The following TPCN1 variants were observed in gnomAD, a reference collection of about 807,000 sequenced individuals.
TPCN1 encodes the protein two pore channel protein 1.
Under a neutral mutation model 108.8 loss-of-function variants are expected in TPCN1, and 52 were observed. That is an observed-to-expected ratio of 0.48 (90% CI 0.38 to 0.60). The LOEUF (loss-of-function observed/expected upper bound fraction) is 0.60. Among genes scored for constraint, TPCN1 ranks in the 20% least tolerant of loss-of-function variants. TPCN1 has a pLI of 0.00. For synonymous variants in TPCN1, 446 were observed against 433.7 expected (o/e 1.03, Z -0.35); for missense variants, 806 against 1,072.8 (o/e 0.75, Z 3.47).
intron 2 of TPCN1, among the ~76,000 whole-genome samples, chr12:113,230,816 A>G (rs1953660602): frequency 6.6e-6 from 1 of 152,196 alleles, no homozygotes; most frequent in Non-Finnish European, 1.5e-5. Flanking sequence ...CTCAACAAAT[A>G]GTGGTCAGAA....
rs574189512 is a variant in TPCN1 at position 113,288,249 on chromosome 12, C to G, written c.1706+15C>G. On this transcript the variant is annotated intron_variant, in intron 20 of 27. Coordinates refer to ENST00000335509, the MANE Select transcript of TPCN1 (RefSeq NM_017901.6). This position sits in a 1 kb window ranked among gnomAD's most constrained non-coding sequence, Gnocchi z 4.8. ...CGGATGGCCAGGTACTGCCAGCCCC[C>G]ACCCTGGCCTGCAGGTCCAGGTGCC... The G allele has an allele frequency of 1.2e-6, 2 of 1,613,530 alleles. No individual in the cohort carries two copies. The highest frequency in any genetic ancestry group is 1.1e-5 in the South Asian group (1 of 91,064).
chr12:113,225,759 T>G (rs948120954), intron 1 of TPCN1, among the ~76,000 whole-genome samples: 2 of 152,014 alleles, frequency 1.3e-5, no homozygotes, highest in African/African-American at 4.8e-5. Flanking sequence ...TTTCACCATG[T>G]TGGCCAGGCT....
intron 2 of TPCN1, among the ~76,000 whole-genome samples, chr12:113,252,579 G>A (rs920070449): frequency 6.6e-6 from 1 of 152,224 alleles, no homozygotes; most frequent in Non-Finnish European, 1.5e-5. Flanking sequence ...GTGCCAGCTA[G>A]CAGCTGCCTG....
intron 1 of TPCN1, among the ~76,000 whole-genome samples, chr12:113,226,266 A>T (rs1386549698): frequency 6.6e-6 from 1 of 151,882 alleles, no homozygotes; most frequent in Non-Finnish European, 1.5e-5. Context: ...ATTATTTTTT[A>T]AATTAAGATA....
rs1954147825 is a variant in TPCN1 at position 113,241,827 on chromosome 12, G to A, written c.112+14863G>A. On this transcript the variant is annotated intron_variant, in intron 2 of 27. Transcript: ENST00000335509. ...GTGTATGAGACAGCAGGAAGCATAG[G>A]GCCTTTACAAATGTTTTTTAAAGCG... Among the ~76,000 whole-genome samples, 4 of 149,572 alleles carry A rather than the reference G, an allele frequency of 2.7e-5. No individual in the cohort carries two copies. In the South Asian group the frequency reaches 8.4e-4, roughly 31 times the overall value.
At position 113,266,440 on chromosome 12, in the gene TPCN1, G is replaced by A; in HGVS notation, c.414+84G>A. The A allele has an allele frequency of 6.5e-7, 1 of 1,544,082 alleles. No individual in the cohort carries two copies. On this transcript the variant is annotated intron_variant, in intron 4 of 27. Transcript: ENST00000335509. The surrounding 1 kb of genome is among the most constrained non-coding windows in gnomAD (Gnocchi z 4.2). ...TGGAACTCCAAAAAGGAACATTCTG[G>A]GAGGGCAAACACTGCAAACGGACTT...
chr12:113,293,437 A>AG (rs1956333219), intron 27 of TPCN1, 88 bp downstream of exon 27: 1 of 1,261,154 alleles, frequency 7.9e-7, no homozygotes, highest in South Asian at 1.2e-5. Flanking sequence ...CTCTGAGTAG[A>AG]GGGAGAAGGC....
rs140418326 is a variant in TPCN1 at position 113,271,742 on chromosome 12, C to T, written c.749-916C>T. Among the ~76,000 whole-genome samples the T allele has an allele frequency of 3.3e-5, 5 of 152,334 alleles. No individual in the cohort carries two copies. In the East Asian group the frequency reaches 9.7e-4, roughly 29 times the overall value. On this transcript the variant is annotated intron_variant, in intron 7 of 27. Transcript: ENST00000335509. ...ACTCCTGTGTGTTTCCCGGTGCTCA[C>T]GCTTGAGAGTTTCCCAAAGGCGCTT...
At chr12:113,293,983 A>G in intron 27 of TPCN1, 1 of 152,902 alleles carries the variant, frequency 6.5e-6, no homozygotes, top group Non-Finnish European at 1.5e-5. Flanking sequence ...GATTACAGGC[A>G]CACGCCACCA....
chr12:113,293,882 G>T (rs1287119464), intron 27 of TPCN1, among the ~76,000 whole-genome samples: 1 of 152,176 alleles, frequency 6.6e-6, no homozygotes, highest in Non-Finnish European at 1.5e-5. Context: ...CTGTCTCCCA[G>T]GCTGGAGTGC....
chr12:113,245,853 C>T (rs955563330), intron 2 of TPCN1: 2 of 424,618 alleles, frequency 4.7e-6, no homozygotes, highest in Non-Finnish European at 4.8e-6. Flanking sequence ...CCTGCTCCTC[C>T]CCAGTGCATC....
At chr12:113,276,352 G>T (rs556712054) in intron 10 of TPCN1, among the ~76,000 whole-genome samples, 2 of 152,268 alleles carry the variant, frequency 1.3e-5, no homozygotes, top group Non-Finnish European at 2.9e-5. Context: ...CTAACTTTTG[G>T]TATTAGCCAA....
chr12:113,256,539 G>C (rs1488397753), intron 2 of TPCN1, among the ~76,000 whole-genome samples: 1 of 152,166 alleles, frequency 6.6e-6, no homozygotes, highest in Non-Finnish European at 1.5e-5. Context: ...TCGAGGTATT[G>C]ATGTGAAATC....
chr12:113,234,201 T>C (rs1593079390), intron 2 of TPCN1, among the ~76,000 whole-genome samples: 1 of 152,186 alleles, frequency 6.6e-6, no homozygotes, highest in African/African-American at 2.4e-5. Flanking sequence ...ACAGCTACAG[T>C]GTCACCATCT....
In TPCN1 at chr12:113,284,899, G is replaced by C; in HGVS notation, c.1453+128G>C. The stretch of plus-strand genomic sequence containing the variant: ...TATAAAGAGACGGAGTAATCAGTCT[G>C]ATTCCATCTCGTCCCCGTTTAAAAC... On this transcript the variant is annotated intron_variant, in intron 17 of 27. Coordinates refer to ENST00000335509, the MANE Select transcript of TPCN1 (RefSeq NM_017901.6). This position sits in a 1 kb window ranked among gnomAD's most constrained non-coding sequence, Gnocchi z 4.1. 4.7e-6 allele frequency: 5 copies of C among 1,061,632 alleles called. No homozygotes were observed. Among genetic ancestry groups the C allele is most frequent in the Non-Finnish European group, 7.1e-6 (5 of 701,320 alleles). The allele number at this position is 1,061,632 out of a possible 1,614,324, so 65.8% of individuals were successfully genotyped here. A position where few individuals can be genotyped will look rare whatever the true frequency, so the allele number is the denominator to read the frequency against.
chr12:113,293,369 C>A lies in TPCN1; in HGVS notation c.2334+20C>A. The A allele has an allele frequency of 6.2e-7, 1 of 1,610,944 alleles. No individual in the cohort carries two copies. Among genetic ancestry groups the A allele is most frequent in the South Asian group, 1.1e-5 (1 of 91,020 alleles). On this transcript the variant is annotated intron_variant, in intron 27 of 27. Coordinates refer to ENST00000335509, the MANE Select transcript of TPCN1 (RefSeq NM_017901.6). ...ATCCAGGTAGGAGCCTGGCCGACCA[C>A]GCTGCGAATCCTCCCCCAAGCTATG...
At chr12:113,276,844 A>G (rs778706385) in intron 10 of TPCN1, 75 bp from the exon 11 acceptor site, 51 of 989,718 alleles carry the variant, frequency 5.2e-5, no homozygotes, top group Admixed American at 1.2e-4. Flanking sequence ...CTAGATGATG[A>G]ACTCATACCC....
chr12:113,239,231 G>A (rs1318006526), intron 2 of TPCN1, among the ~76,000 whole-genome samples: 1 of 152,176 alleles, frequency 6.6e-6, no homozygotes, highest in African/African-American at 2.4e-5. Context: ...TACCCATTCT[G>A]TTCATCCAGC....
chr12:113,235,760 A>T (rs781272630), intron 2 of TPCN1, among the ~76,000 whole-genome samples: 1 of 152,066 alleles, frequency 6.6e-6, no homozygotes, highest in Non-Finnish European at 1.5e-5. Context: ...GGAGGTGGAC[A>T]TGGCTTCCCA....
Sources: allele counts gnomAD v4.1 joint callset (sites outside exome capture counted in the v4.1 genomes callset), GRCh38; gene constraint gnomAD v4.1.1; non-coding constraint Gnocchi (gnomAD v3.1); transcripts MANE v1.5; gene names NCBI Gene and HGNC (gene_info 2026-07-23, HGNC 2026-07-21).